Variants in CHM observed in about 807,000 individuals in gnomAD.
CHM encodes the protein CHM Rab escort protein.
A neutral mutation model predicts 49.0 loss-of-function variants in CHM; 10 were observed. The ratio of observed to expected loss-of-function variants is 0.20; its 90% CI spans 0.13 to 0.35. The LOEUF is 0.35. Ranked by LOEUF, CHM falls within the 10% of genes least tolerant of loss-of-function variation. The pLI is 1.00. For synonymous variants in CHM, 184 were observed against 167.5 expected (o/e 1.10, Z -0.76); for missense variants, 455 against 478.4 (o/e 0.95, Z 0.46).
intron 2 of CHM, among the ~76,000 whole-genome samples, chrX:85,997,516 G>C (rs1473358822): frequency 9.0e-6 from 1 of 111,249 alleles, no homozygotes; most frequent in Non-Finnish European, 1.9e-5. Flanking sequence ...ATGACATGTA[G>C]GAAAACGGAT....
At chrX:85,909,099 T>C (rs1054113916) in intron 9 of CHM, among the ~76,000 whole-genome samples, 1 of 111,611 alleles carries the variant, frequency 9.0e-6, no homozygotes, top group Non-Finnish European at 1.9e-5. Flanking sequence ...TTGCCCACTG[T>C]CATTCATGGC....
chrX:85,928,060 G>A (rs1928194523), intron 8 of CHM, among the ~76,000 whole-genome samples: 1 of 111,865 alleles, frequency 8.9e-6, no homozygotes, highest in Admixed American at 9.5e-5. Flanking sequence ...GAAAGTAACT[G>A]CATCCAACTA....
chrX:85,913,327 AAAAAAAAAGAAAGAAAGAAAG>A (rs1927186085), intron 8 of CHM, among the ~76,000 whole-genome samples: 1 of 80,438 alleles, frequency 1.2e-5, no homozygotes, highest in African/African-American at 4.3e-5. Context: ...AAAAAAAAAA[AAAAAAAAAGAAAGAAAGAAAG>A]AAAGAAAGAA....
rs781107287 is a variant in CHM at position 85,864,810 on chromosome X, A to G, written c.1782T>C (p.Leu594=). 1.7e-6 allele frequency: 2 copies of G among 1,205,566 alleles called. No individual in the cohort carries two copies. Among genetic ancestry groups the G allele is most frequent in the Admixed American group, 4.4e-5 (2 of 45,458 alleles). The change falls in exon 15 of 15, where the codon CTT becomes CTC. Residue 594 remains leucine, a synonymous_variant. Coordinates refer to ENST00000357749, the MANE Select transcript of CHM (RefSeq NM_000390.4). ...CTTCATTGGGGCAGATTTCCTGGAA[A>G]AGTGTTTCAGCCTGGCCAAGGAAGA... ...NDNAVKQAET[L]FQEICPNEDF...
chrX:86,012,005 A>G (rs1485224870), intron 2 of CHM, among the ~76,000 whole-genome samples: 1 of 112,241 alleles, frequency 8.9e-6, no homozygotes, highest in Non-Finnish European at 1.9e-5. Context: ...AGAACTGTAA[A>G]AGAATAAGTC....
intron 2 of CHM, among the ~76,000 whole-genome samples, chrX:86,014,693 A>T (rs900423404): frequency 4.7e-4 from 53 of 112,140 alleles, no homozygotes; most frequent in African/African-American, 1.6e-3. Flanking sequence ...ATGTTTTAAA[A>T]CAATGAAATA....
chrX:86,026,102 C>CTT lies in CHM; in HGVS notation c.116+1387_116+1388dup, dbSNP rs1167691945. Among the ~76,000 whole-genome samples, 35 of 26,764 alleles carry CTT rather than the reference C, an allele frequency of 1.3e-3. 10 individuals carry two copies. Among genetic ancestry groups the CTT allele is most frequent in the Non-Finnish European group, 2.4e-3 (32 of 13,239 alleles). 23.2% of individuals were successfully genotyped at this position (26,764 alleles called of 115,157 possible). A position where few individuals can be genotyped will look rare whatever the true frequency, so the allele number is the denominator to read the frequency against. On this transcript the variant is annotated intron_variant, in intron 2 of 14. Transcript: ENST00000357749. Reference sequence around the variant, plus strand: ...CTGGGCTTTCAAGGTAGCAGATTTTCTTTTTTTTTTTTTTTTTTTTTTTTT... The same window carrying CTT: ...CTGGGCTTTCAAGGTAGCAGATTTTCTTTTTTTTTTTTTTTTTTTTTTTTTTT...
chrX:85,978,932 A>G, intron 3 of CHM, 41 bp from the exon 4 acceptor site: 5 of 1,172,455 alleles, frequency 4.3e-6, no homozygotes, highest in Non-Finnish European at 5.8e-6. Flanking sequence ...CAAAGTGGGC[A>G]GTGTGAAACA....
chrX:85,975,761 C>T (rs1931220937), intron 4 of CHM, among the ~76,000 whole-genome samples: 1 of 112,093 alleles, frequency 8.9e-6, no homozygotes, highest in Admixed American at 9.4e-5. Flanking sequence ...ACAGTGAATA[C>T]ATGAACCCAC....
chrX:85,985,176 G>T (rs1306175673), intron 2 of CHM, among the ~76,000 whole-genome samples: 1 of 112,323 alleles, frequency 8.9e-6, no homozygotes, highest in Non-Finnish European at 1.9e-5. Flanking sequence ...GGGAGAGGTG[G>T]GCTGCCATTT....
intron 2 of CHM, among the ~76,000 whole-genome samples, 157 bp from the exon 3 acceptor site, chrX:85,981,966 A>ATT (rs1378973881): frequency 9.0e-6 from 1 of 111,696 alleles, no homozygotes; most frequent in Non-Finnish European, 1.9e-5. Context: ...GAAGGCTCAC[A>ATT]TAAGTGGAAG....
chrX:86,045,047 A>G (rs1569265630), intron 1 of CHM, among the ~76,000 whole-genome samples: 4 of 112,383 alleles, frequency 3.6e-5, no homozygotes. Flanking sequence ...GGATTATAAA[A>G]TATTATCTTC....
intron 2 of CHM, among the ~76,000 whole-genome samples, chrX:85,982,540 C>G (rs1931686530): frequency 8.9e-6 from 1 of 111,848 alleles, no homozygotes; most frequent in African/African-American, 3.3e-5. Flanking sequence ...CTAAATAGGT[C>G]AGGTAAACCT....
At chrX:86,041,747 T>C (rs1031523261) in intron 1 of CHM, among the ~76,000 whole-genome samples, 2 of 100,111 alleles carry the variant, frequency 2.0e-5, no homozygotes, top group Non-Finnish European at 2.0e-5. Flanking sequence ...TATATATATA[T>C]ATATATATAT....
At chrX:86,014,992 C>A (rs781236661) in intron 2 of CHM, among the ~76,000 whole-genome samples, 1 of 111,510 alleles carries the variant, frequency 9.0e-6, no homozygotes, top group Non-Finnish European at 1.9e-5. Context: ...GAGGGGTGGG[C>A]CTTGCATTGC....
chrX:86,032,492 A>G (rs1029444784), intron 1 of CHM, among the ~76,000 whole-genome samples: 4 of 111,577 alleles, frequency 3.6e-5, no homozygotes, highest in Non-Finnish European at 7.5e-5. Flanking sequence ...AGGAAAAAAA[A>G]AAGGCATCAC....
intron 2 of CHM, chrX:86,019,533 A>G (rs1933448223): frequency 8.9e-6 from 1 of 112,267 alleles, no homozygotes; most frequent in South Asian, 3.7e-4. Context: ...ACAAACAAAT[A>G]TCTGGCAAGA....
intron 8 of CHM, among the ~76,000 whole-genome samples, chrX:85,911,824 G>A (rs756836645): frequency 1.0e-3 from 114 of 111,659 alleles, no homozygotes; most frequent in Non-Finnish European, 1.9e-3. Context: ...GAAAGCTAGA[G>A]CAGTAAACAT....
chrX:85,864,915 T>A (rs1923591988), intron 14 of CHM, 94 bp from the exon 15 acceptor site: 1 of 899,651 alleles, frequency 1.1e-6, no homozygotes, highest in South Asian at 2.1e-5. Context: ...AAGTGTTTTA[T>A]CCTTAAAAAT....
Sources: allele counts gnomAD v4.1 joint callset (sites outside exome capture counted in the v4.1 genomes callset), GRCh38; gene constraint gnomAD v4.1.1; transcripts MANE v1.5; gene names NCBI Gene and HGNC (gene_info 2026-07-23, HGNC 2026-07-21).